The following FGG variants were observed in gnomAD, a reference collection of about 807,000 sequenced individuals.
FGG encodes the protein fibrinogen gamma chain, also known as fibrinogen, gamma polypeptide.
FGG carries 20 observed loss-of-function variants against 51.7 expected under a neutral mutation model. The observed-to-expected ratio is 0.39, with a 90% CI of 0.27 to 0.56. The LOEUF (loss-of-function observed/expected upper bound fraction) is 0.56, where lower values mean the gene tolerates loss of function less well. FGG is among the 20% of genes least tolerant of loss of function. The probability of loss-of-function intolerance (pLI) is 0.64; values close to 1 mark genes in which losing one functional copy is unlikely to be tolerated. For synonymous variants in FGG, 184 were observed against 184.7 expected (o/e 1.00, Z 0.03); for missense variants, 460 against 534.2 (o/e 0.86, Z 1.37).
intron 5 of FGG, 137 bp from the exon 6 acceptor site, chr4:154,609,900 T>G: frequency 2.6e-6 from 4 of 1,511,604 alleles, no homozygotes; most frequent in Non-Finnish European, 3.7e-6. Flanking sequence ...TCAGCATTCC[T>G]TTTAAACTGT....
chr4:154,604,341 T>C lies in FGG; in HGVS notation c.*493A>G. On this transcript the variant is annotated 3_prime_UTR_variant, in exon 9 of 9. Coordinates refer to ENST00000336098, the MANE Select transcript of FGG (RefSeq NM_021870.3). ...GTAAATCTCTTTTGAAACGGTCTTT[T>C]AAACGTCTCCAGCCTGTGAATATAT... The C allele has an allele frequency of 6.6e-7, 1 of 1,515,246 alleles. No homozygotes were observed. Among genetic ancestry groups the C allele is most frequent in the South Asian group, 1.3e-5 (1 of 75,240 alleles). The allele number at this position is 1,515,246 out of a possible 1,614,324, so 93.9% of individuals were successfully genotyped here. A position where few individuals can be genotyped will look rare whatever the true frequency, so the allele number is the denominator to read the frequency against.
intron 6 of FGG, 133 bp from the exon 7 acceptor site, chr4:154,608,783 T>G: frequency 1.3e-6 from 1 of 773,782 alleles, no homozygotes; most frequent in East Asian, 2.6e-5. Flanking sequence ...TTGGCCAAGC[T>G]ACCTCAGTTT....
intron 5 of FGG, 135 bp from the exon 6 acceptor site, chr4:154,609,898 C>T: frequency 6.6e-7 from 1 of 1,520,170 alleles, no homozygotes; most frequent in Middle Eastern, 1.7e-4. Flanking sequence ...CATCAGCATT[C>T]CTTTTAAACT....
At chr4:154,611,542 T>G in intron 4 of FGG, 1 of 266,386 alleles carries the variant, frequency 3.8e-6, no homozygotes, top group South Asian at 1.3e-4. Context: ...GGGAAAAAAT[T>G]TTTGATAAAT....
chr4:154,608,759 C>G, intron 6 of FGG, 109 bp from the exon 7 acceptor site: 1 of 1,019,502 alleles, frequency 9.8e-7, no homozygotes, highest in South Asian at 1.3e-5. Flanking sequence ...CTATCAACTC[C>G]CAACTAAGTG....
chr4:154,606,635 CTATT>C lies in FGG; in HGVS notation c.1129+66_1129+69del, dbSNP rs139788771. On this transcript the variant is annotated intron_variant, in intron 8 of 8. Transcript: ENST00000336098. ...TAAATTATTCTTCATTTCTTCATAT[CTATT>C]TATTATTTTTTATGAAAATAGTATA... 5.9e-4 allele frequency: 852 copies of C among 1,444,262 alleles called. 12 individuals carry two copies. In the East Asian group the frequency reaches 0.017, roughly 29 times the overall value. 89.5% of individuals were successfully genotyped at this position (1,444,262 alleles called of 1,614,324 possible). A position where few individuals can be genotyped will look rare whatever the true frequency, so the allele number is the denominator to read the frequency against.
intron 4 of FGG, chr4:154,611,508 A>G (rs975834610): frequency 5.7e-5 from 12 of 209,420 alleles, no homozygotes; most frequent in African/African-American, 2.8e-4. Flanking sequence ...GATTGATTTT[A>G]TGTTGTAAGA....
In FGG at chr4:154,612,067, C is replaced by T; in HGVS notation, c.258G>A (p.Leu86=). Residue 86 remains leucine, a synonymous_variant, in exon 3 of 9, where the codon CTG becomes CTA. Transcript: ENST00000336098. The part of the protein sequence containing the change: ...VENKTSEVKQ[L]IKAIQLTYNP... ...TATAAGTGAGTTGGATTGCTTTTAT[C>T]AGCTGTTTGACTTCTGATGTTTTGT... is the stretch of plus-strand genomic sequence containing the variant. 3 of 1,612,972 alleles carry T rather than the reference C, an allele frequency of 1.9e-6. No individual in the cohort carries two copies. The highest frequency in any genetic ancestry group is 1.7e-6 in the Non-Finnish European group (2 of 1,179,756).
Position 154,606,947 on chromosome 4 carries a change from T to G in FGG, c.887A>C (p.Glu296Ala). ...ADYAMFKVGPEADKYRLTYAY... is the reference protein window; with the variant it reads ...ADYAMFKVGPAADKYRLTYAY... ...ATATGTTAGGCGGTACTTGTCAGCTTCAGGTCCCACCTTGAACATGGCATA... is the reference window on the plus strand; with the variant it reads ...ATATGTTAGGCGGTACTTGTCAGCTGCAGGTCCCACCTTGAACATGGCATA... Residue 296 changes from glutamate (E) to alanine (A), a missense_variant, in exon 8 of 9, where the codon GAA (glutamate) becomes GCA (alanine). By Grantham distance (107) the Glu-to-Ala change is moderately radical (BLOSUM62 -1). This residue lies in a region of FGG where 353 missense variants were observed against 391.7 expected (regional missense o/e 0.90). Transcript: ENST00000336098. 6.2e-7 allele frequency: 1 copy of G among 1,612,382 alleles called. No homozygotes were observed. Among genetic ancestry groups the G allele is most frequent in the Non-Finnish European group, 8.5e-7 (1 of 1,178,996 alleles).
intron 7 of FGG, 123 bp from the exon 8 acceptor site, chr4:154,607,105 T>G: frequency 4.7e-6 from 6 of 1,263,684 alleles, no homozygotes; most frequent in Non-Finnish European, 5.4e-6. Flanking sequence ...AATTTGCTCA[T>G]TGAGTGAAGT....
At chr4:154,608,409 G>T in intron 7 of FGG, 57 bp downstream of exon 7, 2 of 1,529,704 alleles carry the variant, frequency 1.3e-6, no homozygotes, top group Non-Finnish European at 1.8e-6. Context: ...TAGTTGGAAA[G>T]TGCACATTCC....
At chr4:154,611,443 A>G (rs538615721) in intron 4 of FGG, 32 of 167,070 alleles carry the variant, frequency 1.9e-4, no homozygotes, top group Middle Eastern at 2.9e-3. Flanking sequence ...TTAACCACCA[A>G]TTTGTCAGCA....
In FGG at chr4:154,604,578, C is replaced by A; in HGVS notation, c.*256G>T. 5.1e-6 allele frequency: 6 copies of A among 1,181,318 alleles called. No homozygotes were observed. The highest frequency in any genetic ancestry group is 6.7e-6 in the Non-Finnish European group (6 of 899,566). The allele number at this position is 1,181,318 out of a possible 1,614,324, so 73.2% of individuals were successfully genotyped here. A position where few individuals can be genotyped will look rare whatever the true frequency, so the allele number is the denominator to read the frequency against. ...TAAATGACAAGTGGTCATAAAAATG[C>A]AAATAAAGTCAATCATTTTATTATT... On this transcript the variant is annotated 3_prime_UTR_variant, in exon 9 of 9. Coordinates refer to ENST00000336098, the MANE Select transcript of FGG (RefSeq NM_021870.3).
In FGG at chr4:154,604,334, G is replaced by T. The variant is rs183036893; in HGVS notation, c.*500C>A. 1 of 1,510,350 alleles carries T rather than the reference G, an allele frequency of 6.6e-7. No homozygotes were observed. 93.6% of individuals were successfully genotyped at this position (1,510,350 alleles called of 1,614,324 possible). A position where few individuals can be genotyped will look rare whatever the true frequency, so the allele number is the denominator to read the frequency against. On this transcript the variant is annotated 3_prime_UTR_variant, in exon 9 of 9. Transcript: ENST00000336098. Reference sequence around the variant, plus strand: ...TAAAAAAGTAAATCTCTTTTGAAACGGTCTTTTAAACGTCTCCAGCCTGTG... The same window carrying T: ...TAAAAAAGTAAATCTCTTTTGAAACTGTCTTTTAAACGTCTCCAGCCTGTG...
intron 5 of FGG, 109 bp from the exon 6 acceptor site, chr4:154,609,872 A>AT (rs1731170251): frequency 6.4e-7 from 1 of 1,567,064 alleles, no homozygotes; most frequent in East Asian, 2.2e-5. Flanking sequence ...TCCAAGAATA[A>AT]TTTTCTTACT....
rs747005631 is a variant in FGG, at chr4:154,610,058, A to G, written c.532+9T>C. 6.2e-7 allele frequency: 1 copy of G among 1,613,624 alleles called. No individual in the cohort carries two copies. Among genetic ancestry groups the G allele is most frequent in the African/African-American group, 1.3e-5 (1 of 74,882 alleles). ...TGAACCTAATCCCAATATAACCTTCATCAGTTACCTTTCCCAGTGATATCA... is the reference window on the plus strand; with the variant it reads ...TGAACCTAATCCCAATATAACCTTCGTCAGTTACCTTTCCCAGTGATATCA... On this transcript the variant is annotated intron_variant, in intron 5 of 8. Coordinates refer to ENST00000336098, the MANE Select transcript of FGG (RefSeq NM_021870.3).
chr4:154,604,491 C>T lies in FGG; in HGVS notation c.*343G>A. 9.2e-7 allele frequency: 1 copy of T among 1,084,684 alleles called. No individual in the cohort carries two copies. The highest frequency in any genetic ancestry group is 2.9e-5 in the East Asian group (1 of 34,086). The allele number at this position is 1,084,684 out of a possible 1,614,324, so 67.2% of individuals were successfully genotyped here. A position where few individuals can be genotyped will look rare whatever the true frequency, so the allele number is the denominator to read the frequency against. ...GGAATTTGAAACTCTAAAATGTTCT[C>T]CTATTTTATTAAGTACATACTAAAA... is the stretch of plus-strand genomic sequence containing the variant. On this transcript the variant is annotated 3_prime_UTR_variant, in exon 9 of 9. Transcript: ENST00000336098.
Position 154,609,724 on chromosome 4 carries a change from C to T in FGG, c.572G>A (p.Gly191Glu), listed in dbSNP as rs761289445. ...TTTCAGAGGTTTAATAAAGTAAAGC[C>T]CGCTCTGTTTAGCTCCCTTATTGGC... The part of the protein sequence containing the change: ...DIANKGAKQS[G>E]LYFIKPLKAN... Residue 191 changes from glycine to glutamate, a missense_variant, in exon 6 of 9, where the codon GGG becomes GAG. Around this residue, in one of 3 missense-constraint regions of FGG, gnomAD observed 353 missense variants for 391.7 expected, o/e 0.90. Coordinates refer to ENST00000336098, the MANE Select transcript of FGG (RefSeq NM_021870.3). The T allele has an allele frequency of 5.0e-6, 8 of 1,613,772 alleles. No individual in the cohort carries two copies. The Admixed American group carries it at 1.2e-4, about 24-fold the overall frequency.
chr4:154,607,004 C>G, intron 7 of FGG, 22 bp from the exon 8 acceptor site: 2 of 1,552,570 alleles, frequency 1.3e-6, no homozygotes, highest in Non-Finnish European at 1.7e-6. Flanking sequence ...GAAATACAAC[C>G]ATCACATGCT....
Sources: allele counts gnomAD v4.1 joint callset, GRCh38; gene constraint gnomAD v4.1.1; regional missense constraint gnomAD v4.1.1; transcripts MANE v1.5; gene names NCBI Gene and HGNC (gene_info 2026-07-23, HGNC 2026-07-21).